The following ATP11C variants were observed in gnomAD, a reference collection of about 807,000 sequenced individuals.
The protein encoded by ATP11C is ATPase phospholipid transporting 11C (ATP11C blood group).
ATP11C carries 36 observed loss-of-function variants against 97.4 expected under a neutral mutation model. The ratio of observed to expected loss-of-function variants is 0.37; its 90% CI spans 0.28 to 0.49. ATP11C has a LOEUF of 0.49. Ranked by LOEUF, ATP11C falls within the 20% of genes least tolerant of loss-of-function variation. The pLI, the probability that ATP11C is intolerant of heterozygous loss-of-function variation, is 0.98. For missense variants in ATP11C, 730 were observed against 824.6 expected (o/e 0.89, Z 1.40); for synonymous variants, 275 against 290.9 (o/e 0.95, Z 0.56).
chrX:139,850,632 G>A, intron 1 of ATP11C, among the ~76,000 whole-genome samples: 1 of 111,550 alleles, frequency 9.0e-6, no homozygotes. Flanking sequence ...GGTACAACAG[G>A]GGCCGGGGGC....
At position 139,728,490 on chromosome X, in the gene ATP11C, T is replaced by A. The variant is rs1451778509; in HGVS notation, c.*476A>T. The A allele has an allele frequency of 8.6e-6, 1 of 116,772 alleles. No individual in the cohort carries two copies. The highest frequency in any genetic ancestry group is 1.8e-5 in the Non-Finnish European group (1 of 56,000). 9.6% of individuals were successfully genotyped at this position (116,772 alleles called of 1,213,427 possible). A position where few individuals can be genotyped will look rare whatever the true frequency, so the allele number is the denominator to read the frequency against. ...ATGTACTTGGGAAAAAAAATTAAGA[T>A]GATCATTTAGGAGGAATGAGAAATG... is the stretch of plus-strand genomic sequence containing the variant. On this transcript the variant is annotated 3_prime_UTR_variant, in exon 30 of 30. Coordinates refer to ENST00000682941, the MANE Select transcript of ATP11C (RefSeq NM_001353812.2).
chrX:139,931,477 T>A (rs1196225049), intron 1 of ATP11C, among the ~76,000 whole-genome samples: 2 of 111,372 alleles, frequency 1.8e-5, no homozygotes, highest in African/African-American at 6.5e-5. Flanking sequence ...GTAGGCTGGG[T>A]CTCCAAAGTT....
chrX:139,881,472 G>A (rs1171816418), intron 1 of ATP11C, among the ~76,000 whole-genome samples: 1 of 110,493 alleles, frequency 9.1e-6, no homozygotes, highest in Admixed American at 9.7e-5. Flanking sequence ...AGTGGTAGGC[G>A]GCCGGTAGCA....
In ATP11C at chrX:139,932,031, C is replaced by G; in HGVS notation, c.12G>C (p.Arg4=). 1 of 1,165,319 alleles carries G rather than the reference C, an allele frequency of 8.6e-7. No individual in the cohort carries two copies. Among genetic ancestry groups the G allele is most frequent in the Non-Finnish European group, 1.1e-6 (1 of 871,442 alleles). MFR[R]SLNRFCAGEE... is the part of the protein sequence containing the mutation. ...GTGTACTTACAAAACGATTCAAGCT[C>G]CGGCGGAACATCGCGTCGAAGGCTG... is the stretch of plus-strand genomic sequence containing the variant. The change falls in exon 1 of 30, where the codon CGG becomes CGC. Residue 4 remains arginine (R), a synonymous_variant. Coordinates refer to ENST00000682941, the MANE Select transcript of ATP11C (RefSeq NM_001353812.2).
intron 1 of ATP11C, among the ~76,000 whole-genome samples, chrX:139,840,159 C>T (rs763861643): frequency 1.8e-5 from 2 of 112,006 alleles, no homozygotes; most frequent in Non-Finnish European, 3.8e-5. Flanking sequence ...TTCAAAGTCT[C>T]CCCCAAAAGT....
chrX:139,826,589 TA>T, intron 2 of ATP11C, 114 bp downstream of exon 2: 1 of 547,896 alleles, frequency 1.8e-6, no homozygotes, highest in Non-Finnish European at 2.8e-6. Flanking sequence ...ATGATCCATA[TA>T]CATGCAAATA....
Position 139,728,927 on chromosome X carries a change from G to T in ATP11C, c.*39C>A. On this transcript the variant is annotated 3_prime_UTR_variant, in exon 30 of 30. Transcript: ENST00000682941. ...AGCTGTAACCACTGTCAGTATGCTT[G>T]TAGGACAATAACATAGGCAGTTCAA... is the stretch of plus-strand genomic sequence containing the variant. 8.3e-7 allele frequency: 1 copy of T among 1,204,268 alleles called. No individual in the cohort carries two copies. The highest frequency in any genetic ancestry group is 1.1e-6 in the Non-Finnish European group (1 of 890,104).
chrX:139,833,178 T>C (rs1260430139), intron 1 of ATP11C, among the ~76,000 whole-genome samples: 1 of 112,150 alleles, frequency 8.9e-6, no homozygotes, highest in African/African-American at 3.2e-5. Flanking sequence ...TTGGAGTGTG[T>C]CCAGCAAAAC....
chrX:139,762,805 T>G, intron 21 of ATP11C, among the ~76,000 whole-genome samples: 1 of 109,148 alleles, frequency 9.2e-6, no homozygotes, highest in Non-Finnish European at 1.9e-5. Flanking sequence ...GGAAAAAAAA[T>G]GGTACAGGTG....
At chrX:139,891,054 G>A (rs2084719689) in intron 1 of ATP11C, among the ~76,000 whole-genome samples, 1 of 110,649 alleles carries the variant, frequency 9.0e-6, no homozygotes, top group Non-Finnish European at 1.9e-5. Flanking sequence ...GAATCAGAAA[G>A]GTCGAAGGCT....
In ATP11C at chrX:139,727,072, G is replaced by T. The variant is rs763764506; in HGVS notation, c.*1894C>A. On this transcript the variant is annotated 3_prime_UTR_variant, in exon 30 of 30. Coordinates refer to ENST00000682941, the MANE Select transcript of ATP11C (RefSeq NM_001353812.2). ...GTCTTTCTTTCTTTCTGGCTGGAAG[G>T]AATTTTACATGCAACCAGTTATTTT... 1 of 111,559 alleles carries T rather than the reference G, an allele frequency of 9.0e-6. No individual in the cohort carries two copies. Among genetic ancestry groups the T allele is most frequent in the East Asian group, 2.8e-4 (1 of 3,529 alleles). The allele number at this position is 111,559 out of a possible 1,213,427, so 9.2% of individuals were successfully genotyped here. A position where few individuals can be genotyped will look rare whatever the true frequency, so the allele number is the denominator to read the frequency against.
intron 1 of ATP11C, among the ~76,000 whole-genome samples, chrX:139,848,426 CCT>C (rs1480839862): frequency 1.3e-4 from 14 of 110,422 alleles, no homozygotes; most frequent in Admixed American, 7.7e-4. Flanking sequence ...ACATAATAGC[CCT>C]CTCTCATTTT....
intron 18 of ATP11C, among the ~76,000 whole-genome samples, chrX:139,781,596 C>A (rs2082459007): frequency 9.0e-6 from 1 of 111,647 alleles, no homozygotes; most frequent in African/African-American, 3.3e-5. Flanking sequence ...GCCTGTAATT[C>A]CAGCTAGCTA....
intron 1 of ATP11C, among the ~76,000 whole-genome samples, chrX:139,885,215 G>C (rs1278351716): frequency 1.8e-5 from 2 of 110,038 alleles, no homozygotes; most frequent in African/African-American, 6.6e-5. Context: ...CACTTCCAAA[G>C]AGAGGCGATA....
Position 139,797,253 on chromosome X carries a change from A to G in ATP11C, c.931T>C (p.Tyr311His). The G allele has an allele frequency of 1.7e-6, 2 of 1,194,987 alleles. No individual in the cohort carries two copies. Among genetic ancestry groups the G allele is most frequent in the Non-Finnish European group, 2.3e-6 (2 of 882,490 alleles). The change falls in exon 11 of 30, where the codon TAT becomes CAT. Residue 311 changes from tyrosine to histidine, a missense_variant. Transcript: ENST00000682941. ...TTGTATGGGGTACTTTGCCAAACATACTTTAGAGTAGTGCATACTGCAGCT... is the reference window on the plus strand; with the variant it reads ...TTGTATGGGGTACTTTGCCAAACATGCTTTAGAGTAGTGCATACTGCAGCT... ...TKAAVCTTLKYVWQSTPYNDE... is the reference protein window; with the variant it reads ...TKAAVCTTLKHVWQSTPYNDE...
At chrX:139,847,735 C>G (rs139821840) in intron 1 of ATP11C, among the ~76,000 whole-genome samples, 1,121 of 108,645 alleles carry the variant, frequency 0.01, 6 homozygotes, top group African/African-American at 0.036. Context: ...CCTATAGAAC[C>G]TGCCATCCTT....
In ATP11C at chrX:139,881,169, AT is replaced by A. The variant is rs1015768350; in HGVS notation, c.27+50846del. ...CTAAGCCTTCAGCATCCATTATCTG[AT>A]TGAAACCTCACAGCAAGCCCATGAG... On this transcript the variant is annotated intron_variant, in intron 1 of 29. Coordinates refer to ENST00000682941, the MANE Select transcript of ATP11C (RefSeq NM_001353812.2). Among the ~76,000 whole-genome samples, 3 of 111,663 alleles carry A rather than the reference AT, an allele frequency of 2.7e-5. No homozygotes were observed. The Admixed American group carries it at 2.9e-4, about 11-fold the overall frequency.
chrX:139,827,237 C>T lies in ATP11C; in HGVS notation c.28-414G>A, dbSNP rs111556306. The stretch of plus-strand genomic sequence containing the variant: ...CTACTGAGGACAACCTTTCAACTAC[C>T]TTACTAGAGAACAGAAAGCATAATG... On this transcript the variant is annotated intron_variant, in intron 1 of 29. Transcript: ENST00000682941. 3.0e-3 allele frequency among the ~76,000 whole-genome samples: 334 copies of T among 112,122 alleles called. 2 individuals carry two copies. The highest frequency in any genetic ancestry group is 9.0e-3 in the African/African-American group (279 of 30,891).
intron 24 of ATP11C, among the ~76,000 whole-genome samples, chrX:139,746,744 C>G (rs189162269): frequency 1.3e-3 from 143 of 111,429 alleles, no homozygotes; most frequent in African/African-American, 4.5e-3. Flanking sequence ...TAAGTCAGAA[C>G]GCTAAATAAG....
Sources: gnomAD v4.1 joint callset for allele counts (sites outside exome capture counted in the v4.1 genomes callset) on GRCh38, gnomAD v4.1.1 for gene constraint, MANE v1.5 for transcripts, NCBI Gene and HGNC (gene_info 2026-07-23, HGNC 2026-07-21) for gene names.